The following SNRPN variants were observed in gnomAD, a reference collection of about 807,000 sequenced individuals.
The protein encoded by SNRPN is small nuclear ribonucleoprotein-associated protein N.
SNRPN carries 7 observed loss-of-function variants against 25.2 expected under a neutral mutation model. The observed-to-expected ratio is 0.28, with a 90% CI of 0.16 to 0.52. SNRPN has a LOEUF of 0.52. Among genes scored for constraint, SNRPN ranks in the 20% least tolerant of loss-of-function variants. The pLI, the probability that SNRPN is intolerant of heterozygous loss-of-function variation, is 0.96. For missense variants in SNRPN, 196 were observed against 322.5 expected (o/e 0.61, Z 3.00); for synonymous variants, 124 against 110.6 (o/e 1.12, Z -0.76).
intron 2 of SNRPN, among the ~76,000 whole-genome samples, chr15:24,895,262 G>A (rs551586177): frequency 3.3e-5 from 5 of 152,226 alleles, no homozygotes; most frequent in South Asian, 2.1e-4. Context: ...CTCTTTCAGC[G>A]AAAGGTGAGA....
At chr15:24,832,637 G>A (rs1224393510) in intron 2 of SNRPN, among the ~76,000 whole-genome samples, 1 of 151,940 alleles carries the variant, frequency 6.6e-6, no homozygotes, top group Non-Finnish European at 1.5e-5. Flanking sequence ...TCCACGCAAT[G>A]GAAGGTTTGT....
chr15:24,841,017 T>G (rs2051647720), intron 2 of SNRPN, among the ~76,000 whole-genome samples: 1 of 152,016 alleles, frequency 6.6e-6, no homozygotes, highest in Non-Finnish European at 1.5e-5. Flanking sequence ...AATTTTTATA[T>G]TTTAGTAGAG....
chr15:24,897,177 G>A (rs72693686), intron 2 of SNRPN, among the ~76,000 whole-genome samples: 1,925 of 152,066 alleles, frequency 0.013, 21 homozygotes, highest in Non-Finnish European at 0.02. Context: ...AAACAAAAAC[G>A]TAATACAGGC....
chr15:24,862,535 G>A (rs2147543066), intron 1 of SNRPN, among the ~76,000 whole-genome samples: 1 of 151,242 alleles, frequency 6.6e-6, no homozygotes, highest in East Asian at 1.9e-4. Context: ...TGATTCATTA[G>A]TGAAACACAA....
Position 24,978,461 on chromosome 15 carries a change from C to T in SNRPN, c.*17C>T, listed in dbSNP as rs1359073967. On this transcript the variant is annotated 3_prime_UTR_variant, in exon 10 of 10. Coordinates refer to ENST00000390687, the MANE Select transcript of SNRPN (RefSeq NM_003097.6). Reference sequence around the variant, plus strand: ...AGACCTTAGCATACTGTTGATCCATCTCAGTCACTTTTTCCCCTGCAATGC... The same window carrying T: ...AGACCTTAGCATACTGTTGATCCATTTCAGTCACTTTTTCCCCTGCAATGC... 16 of 1,611,160 alleles carry T rather than the reference C, an allele frequency of 9.9e-6. No homozygotes were observed. Among genetic ancestry groups the T allele is most frequent in the Non-Finnish European group, 1.7e-6 (2 of 1,178,144 alleles).
intron 2 of SNRPN, among the ~76,000 whole-genome samples, chr15:24,896,618 G>T (rs1357171034): frequency 3.3e-5 from 5 of 152,062 alleles, no homozygotes; most frequent in Admixed American, 1.3e-4. Flanking sequence ...GGAGACTGAG[G>T]CAGGAGAATG....
intron 2 of SNRPN, among the ~76,000 whole-genome samples, chr15:24,895,607 C>A (rs2058039383): frequency 6.6e-6 from 1 of 152,044 alleles, no homozygotes; most frequent in African/African-American, 2.4e-5. Context: ...AACACCCATG[C>A]CTCAGTTACA....
At chr15:24,930,935 G>A (rs1481149816) in intron 3 of SNRPN, among the ~76,000 whole-genome samples, 1 of 151,576 alleles carries the variant, frequency 6.6e-6, no homozygotes, top group East Asian at 1.9e-4. Context: ...GCATGGTGGT[G>A]CACACCTGTA....
At chr15:24,888,052 G>A (rs538467486) in intron 2 of SNRPN, among the ~76,000 whole-genome samples, 8 of 151,470 alleles carry the variant, frequency 5.3e-5, no homozygotes, top group Non-Finnish European at 1.0e-4. Flanking sequence ...GGCTAAAAAG[G>A]TAAATTTTAG....
chr15:24,861,072 G>A (rs76492174), intron 1 of SNRPN, among the ~76,000 whole-genome samples: 4,456 of 152,230 alleles, frequency 0.029, 179 homozygotes, highest in African/African-American at 0.093. Context: ...TTGTGCCACT[G>A]CACTCTAGCC....
chr15:24,867,388 T>TG (rs71127006), intron 1 of SNRPN, among the ~76,000 whole-genome samples: 26 of 147,340 alleles, frequency 1.8e-4, no homozygotes, highest in African/African-American at 6.0e-4. Flanking sequence ...TTTTTTTTTT[T>TG]GGGGGGGACG....
At chr15:24,943,040 TTG>T (rs2061654269) in intron 3 of SNRPN, among the ~76,000 whole-genome samples, 2 of 151,774 alleles carry the variant, frequency 1.3e-5, no homozygotes, top group Non-Finnish European at 1.5e-5. Flanking sequence ...TTTTTTTTTT[TTG>T]GGGCTGATTT....
chr15:24,922,890 CTTTTTTTT>C (rs71412618), intron 3 of SNRPN, among the ~76,000 whole-genome samples: 6 of 68,180 alleles, frequency 8.8e-5, no homozygotes, highest in South Asian at 7.1e-4. Context: ...TAGGCAGATC[CTTTTTTTT>C]TTTTTTTTTT....
At chr15:24,894,421 T>C (rs2057929963) in intron 2 of SNRPN, among the ~76,000 whole-genome samples, 1 of 152,136 alleles carries the variant, frequency 6.6e-6, no homozygotes, top group African/African-American at 2.4e-5. Context: ...GCTTTCACCA[T>C]GTTAGCCAGG....
chr15:24,854,279 C>T (rs1450718573), upstream of SNRPN, among the ~76,000 whole-genome samples: 1 of 151,996 alleles, frequency 6.6e-6, no homozygotes, highest in Non-Finnish European at 1.5e-5. Context: ...CTGTAGGGGA[C>T]AAAAATTCAA....
At chr15:24,838,019 G>A (rs926600809) in intron 2 of SNRPN, among the ~76,000 whole-genome samples, 2 of 148,046 alleles carry the variant, frequency 1.4e-5, no homozygotes, top group Admixed American at 6.8e-5. Context: ...CACTGTGCCC[G>A]GCCAACTCTT....
At chr15:24,965,641 G>A (rs1596264287) in intron 2 of SNRPN, among the ~76,000 whole-genome samples, 2 of 152,188 alleles carry the variant, frequency 1.3e-5, no homozygotes, top group Admixed American at 6.5e-5. Flanking sequence ...GCTGGATGAT[G>A]TATCGTGAGT....
intron 2 of SNRPN, among the ~76,000 whole-genome samples, chr15:24,898,777 TG>T (rs1231561311): frequency 6.6e-6 from 1 of 151,920 alleles, no homozygotes; most frequent in Non-Finnish European, 1.5e-5. Context: ...CACCAGGCCG[TG>T]GGGGCGATGA....
chr15:24,926,547 A>G (rs1048261841), intron 3 of SNRPN, among the ~76,000 whole-genome samples: 2 of 151,782 alleles, frequency 1.3e-5, no homozygotes, highest in African/African-American at 4.8e-5. Context: ...TCAGAGGCAA[A>G]TGTGATATCA....
Sources: allele counts gnomAD v4.1 joint callset (sites outside exome capture counted in the v4.1 genomes callset), GRCh38; gene constraint gnomAD v4.1.1; transcripts MANE v1.5; gene names NCBI Gene and HGNC (gene_info 2026-07-23, HGNC 2026-07-21).